The following KMT5B variants were observed in gnomAD, a reference collection of about 807,000 sequenced individuals.
KMT5B encodes the protein histone-lysine N-methyltransferase KMT5B.
A neutral mutation model predicts 83.2 loss-of-function variants in KMT5B; 10 were observed. The observed-to-expected ratio is 0.12, with a 90% confidence interval of 0.07 to 0.20. KMT5B has a LOEUF of 0.20. KMT5B is among the 10% of genes least tolerant of loss of function. The pLI is 1.00. For synonymous variants in KMT5B, 349 were observed against 388.8 expected (o/e 0.90, Z 1.20); for missense variants, 753 against 1,067.2 (o/e 0.71, Z 4.10).
rs992206972 is a variant in KMT5B, at chr11:68,156,809, C to G, written c.*879G>C. The G allele has an allele frequency of 6.6e-6, 1 of 152,562 alleles. No homozygotes were observed. 9.5% of individuals were successfully genotyped at this position (152,562 alleles called of 1,614,324 possible). ...TAGATTTTTTTAATATTCCTTGTAG[C>G]ATTTTACAAGTGCAACAGAAAACTT... is the stretch of plus-strand genomic sequence containing the variant. On this transcript the variant is annotated 3_prime_UTR_variant, in exon 11 of 11. Transcript: ENST00000304363.
chr11:68,168,531 T>G (rs1590946596), intron 9 of KMT5B, among the ~76,000 whole-genome samples: 2 of 152,294 alleles, frequency 1.3e-5, no homozygotes, highest in African/African-American at 4.8e-5. Flanking sequence ...AGACGGGGTT[T>G]TGCCATGTTG....
chr11:68,200,514 T>A (rs1243630783), intron 1 of KMT5B, among the ~76,000 whole-genome samples: 11 of 152,150 alleles, frequency 7.2e-5, no homozygotes, highest in Admixed American at 7.2e-4. Flanking sequence ...AAGACGGGGC[T>A]TTGCTTTAAG....
intron 2 of KMT5B, among the ~76,000 whole-genome samples, chr11:68,186,949 G>A (rs1189355620): frequency 6.6e-6 from 1 of 152,088 alleles, no homozygotes. Flanking sequence ...TAAATTTTTG[G>A]TAACAGCATA....
chr11:68,182,669 G>A (rs1209839036), intron 3 of KMT5B, among the ~76,000 whole-genome samples: 1 of 151,778 alleles, frequency 6.6e-6, no homozygotes, highest in Non-Finnish European at 1.5e-5. Flanking sequence ...GCAGCCTTCT[G>A]GAATACGGCA....
chr11:68,191,226 A>G (rs1006951288), intron 1 of KMT5B, among the ~76,000 whole-genome samples: 2 of 140,570 alleles, frequency 1.4e-5, no homozygotes, highest in African/African-American at 5.4e-5. Flanking sequence ...AGGTCTCACT[A>G]TGTTGCCCAG....
intron 10 of KMT5B, chr11:68,165,845 C>A: frequency 6.2e-7 from 1 of 1,612,286 alleles, no homozygotes; most frequent in Non-Finnish European, 8.5e-7. Context: ...TTATGCTACA[C>A]GGGTTATGCT....
intron 10 of KMT5B, chr11:68,166,127 TCTCA>T: frequency 1.4e-6 from 2 of 1,432,198 alleles, no homozygotes; most frequent in Non-Finnish European, 1.8e-6. Flanking sequence ...CTTCTGTCTC[TCTCA>T]GAGACAAGTG....
chr11:68,206,563 T>C (rs572476979), intron 1 of KMT5B, among the ~76,000 whole-genome samples: 4 of 152,266 alleles, frequency 2.6e-5, no homozygotes, highest in African/African-American at 9.6e-5. Flanking sequence ...GCTTCATCCT[T>C]ACCCCAGCAG....
At chr11:68,165,748 A>C (rs552869073) in intron 10 of KMT5B, 1 of 1,449,660 alleles carries the variant, frequency 6.9e-7, no homozygotes, top group Admixed American at 2.7e-5. Context: ...TATGAGAATC[A>C]ACAGTCAACA....
chr11:68,173,462 T>C (rs1373839027), intron 6 of KMT5B, among the ~76,000 whole-genome samples: 1 of 152,248 alleles, frequency 6.6e-6, no homozygotes, highest in East Asian at 1.9e-4. Context: ...ATTAAAACTT[T>C]AGCCCCAACC....
At chr11:68,201,741 CA>C (rs1859467171) in intron 1 of KMT5B, among the ~76,000 whole-genome samples, 1 of 151,856 alleles carries the variant, frequency 6.6e-6, no homozygotes, top group South Asian at 2.1e-4. Context: ...GGCAGGGAAA[CA>C]ATCCCCAAGT....
chr11:68,167,312 A>G, intron 9 of KMT5B, 134 bp from the exon 10 acceptor site: 2 of 1,003,878 alleles, frequency 2.0e-6, no homozygotes, highest in Non-Finnish European at 2.8e-6. Flanking sequence ...TGGAAACCGA[A>G]GACTAGAACT....
chr11:68,196,894 C>A (rs760889595), intron 1 of KMT5B, among the ~76,000 whole-genome samples: 14 of 151,094 alleles, frequency 9.3e-5, no homozygotes, highest in Non-Finnish European at 1.9e-4. Context: ...TAATATACCT[C>A]AAAAATAAGA....
At chr11:68,187,211 T>C (rs1019552919) in intron 2 of KMT5B, among the ~76,000 whole-genome samples, 9 of 151,996 alleles carry the variant, frequency 5.9e-5, no homozygotes, top group Non-Finnish European at 1.3e-4. Flanking sequence ...TTGTCCAGGC[T>C]GGTCTTGAAC....
chr11:68,167,014 T>A lies in KMT5B; in HGVS notation c.1142A>T (p.Asp381Val). The A allele has an allele frequency of 6.2e-7, 1 of 1,614,160 alleles. No homozygotes were observed. The highest frequency in any genetic ancestry group is 8.5e-7 in the Non-Finnish European group (1 of 1,179,996). Reference protein sequence around the residue: ...SDSQSVSSNTDADTTQEKNNA... With the variant: ...SDSQSVSSNTVADTTQEKNNA... The stretch of plus-strand genomic sequence containing the variant: ...GTTTTTTTCCTGAGTGGTATCTGCA[T>A]CAGTGTTAGAGCTGACAGATTGACT... The change falls in exon 10 of 11, where the codon GAT becomes GTT. Residue 381 changes from aspartate (D) to valine (V), a missense_variant. Physicochemically the swap from Asp to Val is radical, Grantham distance 152. Transcript: ENST00000304363.
intron 1 of KMT5B, among the ~76,000 whole-genome samples, chr11:68,204,319 T>C (rs1171983557): frequency 6.6e-6 from 1 of 152,190 alleles, no homozygotes; most frequent in Non-Finnish European, 1.5e-5. Flanking sequence ...TCTTTGAAGA[T>C]GTTATAAAAA....
chr11:68,213,159 C>T lies in KMT5B; in HGVS notation c.-98G>A, dbSNP rs1422529998. 4 of 138,878 alleles carry T rather than the reference C, an allele frequency of 2.9e-5. No homozygotes were observed. The highest frequency in any genetic ancestry group is 4.8e-5 in the Non-Finnish European group (3 of 62,632). 8.6% of individuals were successfully genotyped at this position (138,878 alleles called of 1,614,324 possible). On this transcript the variant is annotated 5_prime_UTR_variant, in exon 1 of 11. Coordinates refer to ENST00000304363, the MANE Select transcript of KMT5B (RefSeq NM_017635.5). ...TCACCGCCTGCGCCGCCCCGCTCCT[C>T]CTCGGGGCGCGTCCCAGGCCCCGCT... is the stretch of plus-strand genomic sequence containing the variant.
intron 10 of KMT5B, chr11:68,166,539 G>A: frequency 9.9e-7 from 1 of 1,006,216 alleles, no homozygotes; most frequent in Non-Finnish European, 1.2e-6. Flanking sequence ...ATGAAAAGGT[G>A]GAAGCCTTAA....
rs532462423 is a variant in KMT5B, at chr11:68,194,906, G to A, written c.-76-4754C>T. Among the ~76,000 whole-genome samples, 10 of 152,350 alleles carry A rather than the reference G, an allele frequency of 6.6e-5. No homozygotes were observed. The East Asian group carries it at 1.2e-3, about 18-fold the overall frequency. On this transcript the variant is annotated intron_variant, in intron 1 of 10. Transcript: ENST00000304363. ...ACAACAAGCAAATGGGCCAGGTGGT[G>A]GCTTATGCCTATAATCCTAGCCCTC...
Sources: gnomAD v4.1 joint callset for allele counts (sites outside exome capture counted in the v4.1 genomes callset) on GRCh38, gnomAD v4.1.1 for gene constraint, MANE v1.5 for transcripts, NCBI Gene and HGNC (gene_info 2026-07-23, HGNC 2026-07-21) for gene names.